OTOF: variants seen among roughly 807,000 people sequenced by gnomAD.
OTOF encodes the protein otoferlin, also known as fer-1-like family member 2.
Under a neutral mutation model 236.8 loss-of-function variants are expected in OTOF, and 218 were observed. That is an observed-to-expected ratio of 0.92 (90% CI 0.82 to 1.03). The LOEUF (loss-of-function observed/expected upper bound fraction) is 1.03, where lower values mean the gene tolerates loss of function less well. OTOF is among the 50% of genes least tolerant of loss of function. The pLI is 0.00. For missense variants in OTOF, 2,590 were observed against 2,694.4 expected, an observed-to-expected ratio of 0.96 and a Z score of 0.86; for synonymous variants, 1,041 against 1,072.5, an observed-to-expected ratio of 0.97 and a Z score of 0.57.
intron 3 of OTOF, among the ~76,000 whole-genome samples, chr2:26,527,060 G>T (rs964589296): frequency 6.6e-6 from 1 of 152,122 alleles, no homozygotes; most frequent in Non-Finnish European, 1.5e-5. Flanking sequence ...TCTTCTCATG[G>T]CCCAGAGAGA....
chr2:26,464,002 T>C lies in OTOF; in HGVS notation c.5065A>G (p.Arg1689Gly). ...GGCTTGTCGGGGTTGAGCAGCGGCC[T>C]CGTCTCCACATGCTCTGGCACCAGG... The part of the protein sequence containing the change: ...CRLVPEHVET[R>G]PLLNPDKPGI... Residue 1689 changes from arginine to glycine, a missense_variant, in exon 40 of 47, where the codon AGG becomes GGG. By Grantham distance (125) the Arg-to-Gly change is moderately radical (BLOSUM62 -2). This residue lies in a region of OTOF where 1,211 missense variants were observed against 1,352.8 expected (regional missense o/e 0.90). Transcript: ENST00000272371. 1.2e-6 allele frequency: 2 copies of C among 1,613,738 alleles called. No individual in the cohort carries two copies. The highest frequency in any genetic ancestry group is 1.7e-6 in the Non-Finnish European group (2 of 1,180,040).
At chr2:26,505,420 CACACACACACACACAG>C (rs1342682874) in intron 5 of OTOF, among the ~76,000 whole-genome samples, 1 of 151,884 alleles carries the variant, frequency 6.6e-6, no homozygotes, top group East Asian at 1.9e-4. Context: ...GTTACACACA[CACACACACACACACAG>C]ACACACACAC....
chr2:26,489,089 A>G, intron 11 of OTOF, 122 bp downstream of exon 11: 1 of 744,234 alleles, frequency 1.3e-6, no homozygotes, highest in Non-Finnish European at 2.4e-6. Context: ...GTGTACTAAC[A>G]GTCGCCAGAC....
At chr2:26,538,000 C>T (rs1422395459) in intron 1 of OTOF, among the ~76,000 whole-genome samples, 1 of 152,032 alleles carries the variant, frequency 6.6e-6, no homozygotes, top group African/African-American at 2.4e-5. Flanking sequence ...GCCATGAGTT[C>T]CATGTTAGGA....
intron 3 of OTOF, among the ~76,000 whole-genome samples, chr2:26,519,846 T>C (rs1666632641): frequency 6.6e-6 from 1 of 152,234 alleles, no homozygotes; most frequent in African/African-American, 2.4e-5. Context: ...CGAGTGTTCT[T>C]GTCAAAGCCC....
In OTOF at chr2:26,462,170, CG is replaced by C. The variant is rs727503352; in HGVS notation, c.5203del (p.Arg1735GlyfsTer28). 1.2e-6 allele frequency: 2 copies of C among 1,613,906 alleles called. No individual in the cohort carries two copies. Among genetic ancestry groups the C allele is most frequent in the East Asian group, 4.5e-5 (2 of 44,860 alleles). On this transcript the variant is annotated frameshift_variant, in exon 42 of 47. Coordinates refer to ENST00000272371, the MANE Select transcript of OTOF (RefSeq NM_194248.3). LOFTEE classifies it high-confidence loss of function. This position sits in a 1 kb window ranked among gnomAD's most constrained non-coding sequence, Gnocchi z 4.7. Reference sequence around the variant, plus strand: ...CTCATCTGTGTTCCAGATGATGACCCGCAGCTCGTACCTGGGCCCAGGGAGA... The same window carrying C: ...CTCATCTGTGTTCCAGATGATGACCCCAGCTCGTACCTGGGCCCAGGGAGA... ...SPRKPKKYEL[R>X]VIIWNTDEVV...
At position 26,483,185 on chromosome 2, in the gene OTOF, G is replaced by A. The variant is rs551901955; in HGVS notation, c.1392+277C>T. Reference sequence around the variant, plus strand: ...TGCGTGCGTGTGTGAGTTGGTATGCGTGCGTGTATGAGTGGGTGCATGTGT... The same window carrying A: ...TGCGTGCGTGTGTGAGTTGGTATGCATGCGTGTATGAGTGGGTGCATGTGT... On this transcript the variant is annotated intron_variant, in intron 13 of 46. Coordinates refer to ENST00000272371, the MANE Select transcript of OTOF (RefSeq NM_194248.3). 2.0e-4 allele frequency among the ~76,000 whole-genome samples: 30 copies of A among 151,840 alleles called. 1 individual carries two copies. The highest frequency in any genetic ancestry group is 1.4e-3 in the Admixed American group (22 of 15,266).
In OTOF at chr2:26,502,289, C is replaced by T. The variant is rs372861260; in HGVS notation, c.710+11G>A. Reference sequence around the variant, plus strand: ...GGGGCAGCTGGGGTTGCAGGGCTCCCGTCCACTCACCGCTTGTTGGAGACA... The same window carrying T: ...GGGGCAGCTGGGGTTGCAGGGCTCCTGTCCACTCACCGCTTGTTGGAGACA... On this transcript the variant is annotated intron_variant, in intron 7 of 46. Coordinates refer to ENST00000272371, the MANE Select transcript of OTOF (RefSeq NM_194248.3). The T allele has an allele frequency of 3.0e-5, 48 of 1,613,726 alleles. 1 individual carries two copies. The highest frequency in any genetic ancestry group is 9.9e-5 in the South Asian group (9 of 91,052).
chr2:26,541,574 G>T (rs115245081), intron 1 of OTOF, among the ~76,000 whole-genome samples: 2,838 of 152,304 alleles, frequency 0.019, 44 homozygotes, highest in Non-Finnish European at 0.032. Flanking sequence ...GTATTCAAGT[G>T]GTTCTGTTCT....
intron 1 of OTOF, among the ~76,000 whole-genome samples, chr2:26,550,158 C>T (rs1667424622): frequency 6.6e-6 from 1 of 151,702 alleles, no homozygotes; most frequent in Non-Finnish European, 1.5e-5. Flanking sequence ...CAGATTAGCC[C>T]TTCTGCTTTG....
Position 26,483,664 on chromosome 2 carries a change from GCCAGGGCCATGGTCA to G in OTOF, c.1206-31_1206-17del. The G allele has an allele frequency of 1.9e-6, 3 of 1,610,466 alleles. No homozygotes were observed. Among genetic ancestry groups the G allele is most frequent in the Non-Finnish European group, 2.5e-6 (3 of 1,179,198 alleles). On this transcript the variant is annotated splice_polypyrimidine_tract_variant and intron_variant, in intron 12 of 46. Coordinates refer to ENST00000272371, the MANE Select transcript of OTOF (RefSeq NM_194248.3). ...CAGCAAGTTCCTGCCAGCACATACAGCCAGGGCCATGGTCACCAGGTCCAGGTCCCCAACCCCCAT... is the reference window on the plus strand; with the variant it reads ...CAGCAAGTTCCTGCCAGCACATACAGCCAGGTCCAGGTCCCCAACCCCCAT...
At position 26,474,756 on chromosome 2, in the gene OTOF, T is replaced by C. The variant is rs1039173146; in HGVS notation, c.3127-82A>G. The C allele has an allele frequency of 3.3e-6, 5 of 1,499,608 alleles. No homozygotes were observed. The Admixed American group carries it at 6.7e-5, about 20-fold the overall frequency. 92.9% of individuals were successfully genotyped at this position (1,499,608 alleles called of 1,614,324 possible). A position where few individuals can be genotyped will look rare whatever the true frequency, so the allele number is the denominator to read the frequency against. ...TCGTTTGGTCCTTACCACAGCGCCA[T>C]GAGTTGTTGTAAGGGACAGGTGTGA... On this transcript the variant is annotated intron_variant, in intron 25 of 46. Transcript: ENST00000272371.
intron 11 of OTOF, among the ~76,000 whole-genome samples, chr2:26,485,064 C>T (rs1294767385): frequency 6.6e-6 from 1 of 152,168 alleles, no homozygotes; most frequent in Non-Finnish European, 1.5e-5. Flanking sequence ...GGGGTGAAGA[C>T]AAAAGGCATG....
intron 2 of OTOF, among the ~76,000 whole-genome samples, chr2:26,534,512 A>C (rs1206588254): frequency 2.6e-5 from 4 of 152,154 alleles, no homozygotes; most frequent in African/African-American, 9.6e-5. Flanking sequence ...CTTCCATGGC[A>C]TCCTCCTCCC....
chr2:26,525,109 G>C (rs1196568046), intron 3 of OTOF, among the ~76,000 whole-genome samples: 1 of 152,208 alleles, frequency 6.6e-6, no homozygotes, highest in Non-Finnish European at 1.5e-5. Context: ...CTGGTGGGGG[G>C]TGTCTCACCA....
intron 13 of OTOF, among the ~76,000 whole-genome samples, chr2:26,483,207 GTGTGTGTGCGTGCC>G (rs1665610629): frequency 6.6e-6 from 1 of 151,938 alleles, no homozygotes; most frequent in African/African-American, 2.4e-5. Flanking sequence ...GTGGGTGCAT[GTGTGTGTGCGTGCC>G]TGTGTGTGGA....
rs546932630 is a variant in OTOF, at chr2:26,482,679, G to A, written c.1393-87C>T. The A allele has an allele frequency of 1.1e-4, 119 of 1,120,346 alleles. No homozygotes were observed. The Middle Eastern group carries it at 6.5e-3, about 61-fold the overall frequency. 69.4% of individuals were successfully genotyped at this position (1,120,346 alleles called of 1,614,324 possible). A position where few individuals can be genotyped will look rare whatever the true frequency, so the allele number is the denominator to read the frequency against. ...TGTGTGTGAGTGGGCGCATGTGTGC[G>A]TGAGTGGGCACATGTGTGCATGTGT... On this transcript the variant is annotated intron_variant, in intron 13 of 46. Coordinates refer to ENST00000272371, the MANE Select transcript of OTOF (RefSeq NM_194248.3).
At chr2:26,466,944 G>A in intron 35 of OTOF, 93 bp from the exon 36 acceptor site, 1 of 1,574,622 alleles carries the variant, frequency 6.4e-7, no homozygotes, top group Non-Finnish European at 8.7e-7. Context: ...GGACCCTGAT[G>A]TGGCAGGGCC....
chr2:26,538,670 T>C (rs1016739504), intron 1 of OTOF, among the ~76,000 whole-genome samples: 1 of 152,168 alleles, frequency 6.6e-6, no homozygotes, highest in African/African-American at 2.4e-5. Flanking sequence ...AAACAGCCGC[T>C]GGAGTCTCTG....
Sources: gnomAD v4.1 joint callset for allele counts (sites outside exome capture counted in the v4.1 genomes callset) on GRCh38, gnomAD v4.1.1 for gene constraint, gnomAD v4.1.1 regional missense constraint, Gnocchi (gnomAD v3.1) non-coding constraint, MANE v1.5 for transcripts, NCBI Gene and HGNC (gene_info 2026-07-23, HGNC 2026-07-21) for gene names.